RPH3A: variants seen among roughly 807,000 people sequenced by gnomAD.
RPH3A encodes rabphilin-3A.
RPH3A carries 48 observed loss-of-function variants against 102.2 expected under a neutral mutation model. That is an observed-to-expected ratio of 0.47 (90% CI 0.37 to 0.60). RPH3A has a LOEUF of 0.60. Ranked by LOEUF, RPH3A falls within the 20% of genes least tolerant of loss-of-function variation. The probability of loss-of-function intolerance (pLI) is 0.00; values close to 1 mark genes in which losing one functional copy is unlikely to be tolerated. For missense variants in RPH3A, 781 were observed against 910.1 expected, an observed-to-expected ratio of 0.86 and a Z score of 1.83; for synonymous variants, 310 against 324.3, an observed-to-expected ratio of 0.96 and a Z score of 0.47.
At chr12:112,850,436 C>A (rs2042304517) in intron 5 of RPH3A, among the ~76,000 whole-genome samples, 1 of 152,110 alleles carries the variant, frequency 6.6e-6, no homozygotes, top group Admixed American at 6.5e-5. Context: ...CAGCCCCTGG[C>A]TTCCCCTGAA....
At chr12:112,859,535 T>C (rs2042472240) in intron 5 of RPH3A, among the ~76,000 whole-genome samples, 1 of 152,330 alleles carries the variant, frequency 6.6e-6, no homozygotes, top group Admixed American at 6.5e-5. Context: ...TCCTTCCTGA[T>C]GTATATATAC....
intron 19 of RPH3A, 24 bp downstream of exon 19, chr12:112,891,027 A>C (rs937587628): frequency 6.2e-7 from 1 of 1,613,412 alleles, no homozygotes; most frequent in African/African-American, 1.3e-5. Context: ...TTGGGGCTAC[A>C]GGTGGGCCCT....
chr12:112,718,335 G>A (rs977081026), intron 1 of RPH3A, among the ~76,000 whole-genome samples: 1 of 152,142 alleles, frequency 6.6e-6, no homozygotes, highest in Admixed American at 6.5e-5. Flanking sequence ...AATACATCAA[G>A]GGCTCCATGA....
At chr12:112,606,502 C>T (rs2039597966) in intron 1 of RPH3A, among the ~76,000 whole-genome samples, 1 of 152,052 alleles carries the variant, frequency 6.6e-6, no homozygotes, top group Non-Finnish European at 1.5e-5. Flanking sequence ...GTGCCTCAAC[C>T]TCCTGAGTAG....
intron 1 of RPH3A, among the ~76,000 whole-genome samples, chr12:112,634,680 A>G (rs1312821652): frequency 1.3e-5 from 2 of 152,074 alleles, no homozygotes; most frequent in Non-Finnish European, 2.9e-5. Context: ...ACACCAGATG[A>G]TTTCTGATGG....
At chr12:112,715,510 T>C (rs2040507502) in intron 1 of RPH3A, among the ~76,000 whole-genome samples, 1 of 152,192 alleles carries the variant, frequency 6.6e-6, no homozygotes, top group African/African-American at 2.4e-5. Flanking sequence ...TCTACAATGG[T>C]GCCTAGCATT....
At chr12:112,805,692 T>G (rs1317081582) in intron 2 of RPH3A, among the ~76,000 whole-genome samples, 2 of 152,200 alleles carry the variant, frequency 1.3e-5, no homozygotes, top group Non-Finnish European at 2.9e-5. Context: ...AAATGCACGT[T>G]AGGGGGCAGT....
intron 14 of RPH3A, 102 bp downstream of exon 14, chr12:112,879,300 G>A: frequency 3.0e-6 from 3 of 990,744 alleles, no homozygotes; most frequent in East Asian, 2.5e-5. Context: ...GTTGTTGCTT[G>A]TCTATCGATG....
intron 1 of RPH3A, among the ~76,000 whole-genome samples, chr12:112,688,923 T>C (rs898489451): frequency 3.9e-5 from 6 of 152,242 alleles, no homozygotes; most frequent in African/African-American, 4.8e-5. Context: ...GGGATGTATC[T>C]TATTCAAGTC....
At chr12:112,752,968 C>CTTTTCTT (rs2040795187) in intron 1 of RPH3A, among the ~76,000 whole-genome samples, 1 of 118,934 alleles carries the variant, frequency 8.4e-6, no homozygotes. Flanking sequence ...GTCCAGTTTT[C>CTTTTCTT]TTTTTTTTTT....
intron 1 of RPH3A, among the ~76,000 whole-genome samples, chr12:112,678,382 A>G (rs2040202969): frequency 6.6e-6 from 1 of 151,380 alleles, no homozygotes; most frequent in African/African-American, 2.4e-5. Context: ...AAAGAAAGAA[A>G]GAAGAAACAA....
intron 1 of RPH3A, among the ~76,000 whole-genome samples, chr12:112,721,447 G>T (rs1272541691): frequency 3.9e-5 from 6 of 152,154 alleles, no homozygotes; most frequent in Admixed American, 1.3e-4. Flanking sequence ...CAATATTTCA[G>T]GGAAGCAAAC....
intron 2 of RPH3A, among the ~76,000 whole-genome samples, chr12:112,819,480 G>A (rs1341981179): frequency 6.6e-6 from 1 of 152,204 alleles, no homozygotes; most frequent in Non-Finnish European, 1.5e-5. Flanking sequence ...CTAAAAAGGG[G>A]AGGTAGGATT....
intron 7 of RPH3A, among the ~76,000 whole-genome samples, chr12:112,867,499 A>C (rs2042631451): frequency 6.6e-6 from 1 of 152,184 alleles, no homozygotes; most frequent in Non-Finnish European, 1.5e-5. Flanking sequence ...CTTCAGTAGG[A>C]TAATCAAGGG....
At chr12:112,890,701 A>G in intron 18 of RPH3A, 148 bp from the exon 19 acceptor site, 1 of 796,518 alleles carries the variant, frequency 1.3e-6, no homozygotes, top group South Asian at 1.9e-5. Flanking sequence ...TCCTCTTTGG[A>G]GGCTAAGCCA....
intron 1 of RPH3A, among the ~76,000 whole-genome samples, chr12:112,757,470 G>T (rs1171403139): frequency 1.3e-5 from 2 of 152,050 alleles, no homozygotes; most frequent in African/African-American, 4.8e-5. Flanking sequence ...AATCTTGAAT[G>T]TTGCCCAACA....
At chr12:112,794,164 G>A (rs2041181650) in intron 2 of RPH3A, among the ~76,000 whole-genome samples, 1 of 152,198 alleles carries the variant, frequency 6.6e-6, no homozygotes, top group South Asian at 2.1e-4. Flanking sequence ...GAAGCTTCTG[G>A]AAAGAGCCTT....
At chr12:112,698,322 A>C (rs1348154766) in intron 1 of RPH3A, among the ~76,000 whole-genome samples, 1 of 152,230 alleles carries the variant, frequency 6.6e-6, no homozygotes, top group Non-Finnish European at 1.5e-5. Context: ...AAAAGGAGAA[A>C]AATCTTTGTG....
At chr12:112,655,691 C>T (rs748787896) in intron 1 of RPH3A, among the ~76,000 whole-genome samples, 2 of 151,380 alleles carry the variant, frequency 1.3e-5, no homozygotes, top group South Asian at 2.1e-4. Flanking sequence ...GTGCCTCAGC[C>T]TCCCGATTAG....
Sources: allele counts gnomAD v4.1 joint callset (sites outside exome capture counted in the v4.1 genomes callset), GRCh38; gene constraint gnomAD v4.1.1; transcripts MANE v1.5; gene names NCBI Gene and HGNC (gene_info 2026-07-23, HGNC 2026-07-21).